The following MARVELD2 variants were observed in gnomAD, a reference collection of about 807,000 sequenced individuals.
The protein encoded by MARVELD2 is MARVEL domain containing 2, also known as MARVEL domain-containing protein 2.
Under a neutral mutation model 57.6 loss-of-function variants are expected in MARVELD2, and 49 were observed. The ratio of observed to expected loss-of-function variants is 0.85; its 90% CI spans 0.68 to 1.08. The LOEUF (loss-of-function observed/expected upper bound fraction) is 1.08, where lower values mean the gene tolerates loss of function less well. Ranked by LOEUF, MARVELD2 falls within the 50% of genes least tolerant of loss-of-function variation. The probability of loss-of-function intolerance (pLI) is 0.00; values close to 1 mark genes in which losing one functional copy is unlikely to be tolerated. For missense variants in MARVELD2, 606 were observed against 701.1 expected (o/e 0.86, Z 1.53); for synonymous variants, 238 against 258.8 (o/e 0.92, Z 0.77).
chr5:69,438,755 A>G lies in MARVELD2; in HGVS notation c.1504-1695A>G, dbSNP rs190876484. 8.2e-4 allele frequency among the ~76,000 whole-genome samples: 125 copies of G among 152,038 alleles called. 5 individuals carry two copies. In the East Asian group the frequency reaches 0.023, roughly 29 times the overall value. ...CAAAAAATTAGCTGGGCGTAGTGGCAGGTGCCTGTAATCCCAGCTACTCGG... is the reference window on the plus strand; with the variant it reads ...CAAAAAATTAGCTGGGCGTAGTGGCGGGTGCCTGTAATCCCAGCTACTCGG... On this transcript the variant is annotated intron_variant, in intron 5 of 6. Coordinates refer to ENST00000325631, the MANE Select transcript of MARVELD2 (RefSeq NM_001038603.3).
Position 69,443,620 on chromosome 5 carries a change from G to A in MARVELD2, c.*1966G>A, listed in dbSNP as rs2150937093. The stretch of plus-strand genomic sequence containing the variant: ...TTTTTTTTTAAACAAAATCGTTCTT[G>A]TTGGATTTTATTCAGCAGCATCTAT... On this transcript the variant is annotated 3_prime_UTR_variant, in exon 7 of 7. Transcript: ENST00000325631. 6.6e-6 allele frequency: 1 copy of A among 152,144 alleles called. No individual in the cohort carries two copies. Among genetic ancestry groups the A allele is most frequent in the East Asian group, 1.9e-4 (1 of 5,176 alleles). The allele number at this position is 152,144 out of a possible 1,614,324, so 9.4% of individuals were successfully genotyped here. A position where few individuals can be genotyped will look rare whatever the true frequency, so the allele number is the denominator to read the frequency against.
At chr5:69,427,799 CAT>C (rs1246742931) in intron 3 of MARVELD2, among the ~76,000 whole-genome samples, 28 of 152,172 alleles carry the variant, frequency 1.8e-4, no homozygotes, top group Admixed American at 1.8e-3. Context: ...TTCTTTGTCT[CAT>C]ATGTGGTTTT....
intron 5 of MARVELD2, among the ~76,000 whole-genome samples, chr5:69,438,605 G>A (rs185719354): frequency 3.3e-5 from 5 of 151,938 alleles, no homozygotes; most frequent in African/African-American, 7.3e-5. Context: ...AAAAGTTAGC[G>A]GCCGGTCATG....
At chr5:69,437,237 C>T (rs975270746) in intron 5 of MARVELD2, among the ~76,000 whole-genome samples, 16 of 150,528 alleles carry the variant, frequency 1.1e-4, no homozygotes, top group Non-Finnish European at 1.9e-4. Flanking sequence ...CAAAATTAGC[C>T]GCACGTGGTG....
intron 5 of MARVELD2, among the ~76,000 whole-genome samples, chr5:69,438,353 CTGT>C (rs1767222536): frequency 6.6e-6 from 1 of 152,214 alleles, no homozygotes; most frequent in African/African-American, 2.4e-5. Context: ...TGTCCAGGAT[CTGT>C]TATTACAGAT....
intron 1 of MARVELD2, among the ~76,000 whole-genome samples, chr5:69,416,318 T>A (rs1256436887): frequency 6.6e-6 from 1 of 152,218 alleles, no homozygotes; most frequent in South Asian, 2.1e-4. Context: ...TGTTATAATA[T>A]ACAGAGCCGC....
At chr5:69,425,021 T>TTA (rs1766740684) in intron 3 of MARVELD2, among the ~76,000 whole-genome samples, 1 of 146,788 alleles carries the variant, frequency 6.8e-6, no homozygotes, top group Non-Finnish European at 1.5e-5. Context: ...TGAGACTGTT[T>TTA]AAAAAAAGAA....
chr5:69,441,560 G>T lies in MARVELD2; in HGVS notation c.1583G>T (p.Arg528Leu), dbSNP rs749537017. The change falls in exon 7 of 7, where the codon CGC becomes CTC. Residue 528 changes from arginine (R) to leucine (L), a missense_variant. Transcript: ENST00000325631. ...CCTACATTTCTGGAAAAAAAAGAAC[G>T]CTGTGATTACCTAAAGAATAAACTT... ...NDPTFLEKKE[R>L]CDYLKNKLSH... 1 of 1,607,638 alleles carries T rather than the reference G, an allele frequency of 6.2e-7. No homozygotes were observed. The highest frequency in any genetic ancestry group is 8.5e-7 in the Non-Finnish European group (1 of 1,174,840).
chr5:69,430,118 A>G (rs902642173), intron 3 of MARVELD2, among the ~76,000 whole-genome samples: 2 of 152,066 alleles, frequency 1.3e-5, no homozygotes, highest in Non-Finnish European at 2.9e-5. Flanking sequence ...CTGTAATCCT[A>G]GCACTTTGGG....
intron 1 of MARVELD2, among the ~76,000 whole-genome samples, chr5:69,417,446 T>C (rs1766464463): frequency 6.6e-6 from 1 of 152,200 alleles, no homozygotes; most frequent in Non-Finnish European, 1.5e-5. Context: ...ATGAAGGGTC[T>C]TCGTTTTCCA....
chr5:69,428,953 A>G (rs1766877009), intron 3 of MARVELD2, among the ~76,000 whole-genome samples: 1 of 152,226 alleles, frequency 6.6e-6, no homozygotes, highest in South Asian at 2.1e-4. Context: ...TTTCAAGACT[A>G]AGTATATAGG....
rs113346579 is a variant in MARVELD2, at chr5:69,422,663, A to G, written c.1147-1938A>G. Among the ~76,000 whole-genome samples the G allele has an allele frequency of 4.4e-3, 675 of 152,158 alleles. 7 individuals carry two copies. The highest frequency in any genetic ancestry group is 0.016 in the African/African-American group (655 of 41,518). Reference sequence around the variant, plus strand: ...TCGCCCTGCCTCCATTTGCCTTGTGATATTTTATTACCTTGTAAAGCATGT... The same window carrying G: ...TCGCCCTGCCTCCATTTGCCTTGTGGTATTTTATTACCTTGTAAAGCATGT... On this transcript the variant is annotated intron_variant, in intron 2 of 6. Coordinates refer to ENST00000325631, the MANE Select transcript of MARVELD2 (RefSeq NM_001038603.3).
intron 3 of MARVELD2, among the ~76,000 whole-genome samples, chr5:69,431,374 A>G (rs1766959371): frequency 6.6e-6 from 1 of 151,994 alleles, no homozygotes; most frequent in Non-Finnish European, 1.5e-5. Flanking sequence ...CGGCCTCCCA[A>G]GGTGCTGAGA....
intron 5 of MARVELD2, 73 bp from the exon 6 acceptor site, chr5:69,440,377 C>A: frequency 2.7e-6 from 2 of 749,582 alleles, no homozygotes; most frequent in Middle Eastern, 4.0e-4. Context: ...TGTTCTAATT[C>A]TCAGTGTGCT....
intron 1 of MARVELD2, among the ~76,000 whole-genome samples, chr5:69,417,527 G>C (rs1228131469): frequency 6.6e-6 from 1 of 152,150 alleles, no homozygotes; most frequent in Non-Finnish European, 1.5e-5. Context: ...TATCAGACCA[G>C]GTGCAGTGGC....
chr5:69,415,686 T>A (rs1766384445), intron 1 of MARVELD2: 1 of 152,256 alleles, frequency 6.6e-6, no homozygotes, highest in Non-Finnish European at 1.5e-5. Flanking sequence ...GTATCCGAAA[T>A]CTACCCGTTT....
At chr5:69,423,039 A>C (rs560300676) in intron 2 of MARVELD2, among the ~76,000 whole-genome samples, 4 of 152,336 alleles carry the variant, frequency 2.6e-5, no homozygotes, top group African/African-American at 9.6e-5. Flanking sequence ...CTGGGATTAC[A>C]GGCACATGCC....
At chr5:69,420,612 C>T (rs536260305) in intron 2 of MARVELD2, 81 bp downstream of exon 2, 55 of 1,322,318 alleles carry the variant, frequency 4.2e-5, no homozygotes, top group Admixed American at 2.7e-4. Context: ...AAATGTATAG[C>T]GCTCAAAACA....
chr5:69,424,981 C>T (rs984905630), intron 3 of MARVELD2, among the ~76,000 whole-genome samples: 34 of 151,006 alleles, frequency 2.3e-4, no homozygotes, highest in Non-Finnish European at 4.4e-4. Flanking sequence ...GCCAAGATCA[C>T]GTCACTGCAC....
Sources: gnomAD v4.1 joint callset for allele counts (sites outside exome capture counted in the v4.1 genomes callset) on GRCh38, gnomAD v4.1.1 for gene constraint, MANE v1.5 for transcripts, NCBI Gene and HGNC (gene_info 2026-07-23, HGNC 2026-07-21) for gene names.